Variants in KATNIP observed in about 807,000 individuals in gnomAD.
The protein encoded by KATNIP is katanin interacting protein.
Under a neutral mutation model 174.0 loss-of-function variants are expected in KATNIP, and 126 were observed. The observed-to-expected ratio is 0.72, with a 90% confidence interval of 0.63 to 0.84. The LOEUF (loss-of-function observed/expected upper bound fraction) is 0.84. Ranked by LOEUF, KATNIP falls within the 40% of genes least tolerant of loss-of-function variation. KATNIP has a pLI of 0.00. For synonymous variants in KATNIP, 810 were observed against 835.7 expected (o/e 0.97, Z 0.53); for missense variants, 1,958 against 2,109.7 (o/e 0.93, Z 1.41).
intron 8 of KATNIP, among the ~76,000 whole-genome samples, chr16:27,692,650 C>T (rs59747624): frequency 0.018 from 2,774 of 152,242 alleles, 67 homozygotes; most frequent in East Asian, 0.09. Flanking sequence ...TCACCGCCTT[C>T]GTGTCCCCAC....
At chr16:27,605,566 G>A (rs749954129) in intron 2 of KATNIP, among the ~76,000 whole-genome samples, 11 of 152,106 alleles carry the variant, frequency 7.2e-5, no homozygotes, top group Non-Finnish European at 1.6e-4. Flanking sequence ...TAAGGTATTC[G>A]AAAAATAGCC....
chr16:27,760,328 C>T (rs1016877138), intron 18 of KATNIP, among the ~76,000 whole-genome samples: 11 of 152,150 alleles, frequency 7.2e-5, no homozygotes, highest in Non-Finnish European at 1.0e-4. Context: ...TCTAATGAGA[C>T]ACCGTTAAGG....
intron 2 of KATNIP, among the ~76,000 whole-genome samples, chr16:27,585,174 A>G (rs1288250015): frequency 1.3e-5 from 2 of 152,206 alleles, no homozygotes; most frequent in Non-Finnish European, 2.9e-5. Context: ...CAATGCAATT[A>G]ACTACAGCCA....
At chr16:27,704,986 T>TGGCAACCTCTGCCTCCC (rs1412982938) in intron 12 of KATNIP, among the ~76,000 whole-genome samples, 1 of 150,330 alleles carries the variant, frequency 6.7e-6, no homozygotes, top group Non-Finnish European at 1.5e-5. Context: ...TCTTGGCTCA[T>TGGCAACCTCTGCCTCCC]GGCAACCTCT....
At chr16:27,610,798 G>A (rs1158220814) in intron 2 of KATNIP, among the ~76,000 whole-genome samples, 2 of 152,144 alleles carry the variant, frequency 1.3e-5, no homozygotes, top group Non-Finnish European at 2.9e-5. Flanking sequence ...CCTGCCTCCC[G>A]TTCTACTCAA....
Position 27,749,891 on chromosome 16 carries a change from G to T in KATNIP, c.2931G>T (p.Leu977Phe). Residue 977 changes from leucine to phenylalanine, a missense_variant, in exon 16 of 28, where the codon TTG becomes TTT. Leu to Phe is a conservative substitution (Grantham distance 22, BLOSUM62 0). Coordinates refer to ENST00000261588, the MANE Select transcript of KATNIP (RefSeq NM_015202.5). ...KIPVLPYGQR[L>F]VIDIKSTWGD... Reference sequence around the variant, plus strand: ...CCGTCTTGCCTTATGGACAGCGCTTGGTCATTGACATCAAGTCTACCTGGG... The same window carrying T: ...CCGTCTTGCCTTATGGACAGCGCTTTGTCATTGACATCAAGTCTACCTGGG... 6.2e-7 allele frequency: 1 copy of T among 1,614,196 alleles called. No individual in the cohort carries two copies. The highest frequency in any genetic ancestry group is 8.5e-7 in the Non-Finnish European group (1 of 1,180,030).
At chr16:27,602,810 T>C (rs986029806) in intron 2 of KATNIP, among the ~76,000 whole-genome samples, 1 of 152,182 alleles carries the variant, frequency 6.6e-6, no homozygotes, top group Non-Finnish European at 1.5e-5. Flanking sequence ...GTGATTCTCC[T>C]GCCTCAGCCT....
At chr16:27,771,786 G>A (rs963342586) in intron 22 of KATNIP, 134 bp downstream of exon 22, 18 of 862,028 alleles carry the variant, frequency 2.1e-5, no homozygotes, top group Non-Finnish European at 3.2e-5. Context: ...CAAGGCAGAG[G>A]ATAGGAGGCC....
At chr16:27,550,328 G>C in intron 1 of KATNIP, 151 bp downstream of exon 1, 1 of 870,224 alleles carries the variant, frequency 1.1e-6, no homozygotes, top group Non-Finnish European at 1.8e-6. Context: ...GAGGCTTAGT[G>C]GTCTGGAACG....
chr16:27,653,058 C>T (rs189020326), intron 6 of KATNIP, among the ~76,000 whole-genome samples: 3 of 152,030 alleles, frequency 2.0e-5, no homozygotes, highest in African/African-American at 7.2e-5. Context: ...TTTCATAATC[C>T]CACTGCCCCA....
intron 2 of KATNIP, among the ~76,000 whole-genome samples, chr16:27,602,204 G>A (rs2075550467): frequency 6.6e-6 from 1 of 152,160 alleles, no homozygotes; most frequent in Non-Finnish European, 1.5e-5. Context: ...CCTTCTACCT[G>A]CAGGCCCTGT....
intron 2 of KATNIP, among the ~76,000 whole-genome samples, chr16:27,581,254 A>G (rs2090687419): frequency 6.6e-6 from 1 of 152,222 alleles, no homozygotes; most frequent in Non-Finnish European, 1.5e-5. Context: ...AGAATACTTT[A>G]AAGAATATTC....
At chr16:27,657,063 T>C (rs2077319518) in intron 6 of KATNIP, among the ~76,000 whole-genome samples, 1 of 152,268 alleles carries the variant, frequency 6.6e-6, no homozygotes, top group South Asian at 2.1e-4. Flanking sequence ...ATGAACTATA[T>C]TATATTAGAT....
chr16:27,774,608 C>T (rs2082426159), intron 23 of KATNIP, among the ~76,000 whole-genome samples: 2 of 152,150 alleles, frequency 1.3e-5, no homozygotes, highest in Admixed American at 6.5e-5. Context: ...AAAAGAAAAC[C>T]TCCGCAGAGC....
At chr16:27,716,772 A>G (rs923709901) in intron 13 of KATNIP, among the ~76,000 whole-genome samples, 2 of 152,146 alleles carry the variant, frequency 1.3e-5, no homozygotes, top group Non-Finnish European at 2.9e-5. Context: ...CTGACAATGG[A>G]AACCACTGAT....
intron 18 of KATNIP, chr16:27,755,451 G>A (rs374936774): frequency 1.3e-5 from 2 of 152,300 alleles, no homozygotes; most frequent in African/African-American, 4.8e-5. Context: ...TGGGCAGAGG[G>A]AGAAGCTGGT....
rs2081529101 is a variant in KATNIP, at chr16:27,751,808, G to A, written c.3436G>A (p.Asp1146Asn). ...IFYSDEMFDL[D>N]VGSLDSLQDE... is the part of the protein sequence containing the mutation. ...CTATTCTGATGAGATGTTTGACCTG[G>A]ATGTGGGGAGCCTGGACAGCCTGCA... is the stretch of plus-strand genomic sequence containing the variant. The change falls in exon 17 of 28, where the codon GAT becomes AAT. Residue 1146 changes from aspartate to asparagine, a missense_variant. Physicochemically the swap from Asp to Asn is conservative, Grantham distance 23. This residue lies in a region of KATNIP where 1,557 missense variants were observed against 1,617.8 expected (regional missense o/e 0.96). Coordinates refer to ENST00000261588, the MANE Select transcript of KATNIP (RefSeq NM_015202.5). 1 of 1,614,230 alleles carries A rather than the reference G, an allele frequency of 6.2e-7. No individual in the cohort carries two copies. Among genetic ancestry groups the A allele is most frequent in the Non-Finnish European group, 8.5e-7 (1 of 1,180,038 alleles).
chr16:27,665,991 T>A (rs1415333794), intron 6 of KATNIP, among the ~76,000 whole-genome samples: 5 of 152,218 alleles, frequency 3.3e-5, no homozygotes, highest in Non-Finnish European at 5.9e-5. Flanking sequence ...TTCCTGAAAT[T>A]TTCTAGTCAG....
intron 11 of KATNIP, 47 bp downstream of exon 11, chr16:27,701,742 C>G: frequency 7.9e-7 from 1 of 1,268,964 alleles, no homozygotes; most frequent in Non-Finnish European, 1.1e-6. Context: ...AGCAGTGCAG[C>G]CATGGGGATC....
Sources: gnomAD v4.1 joint callset for allele counts (sites outside exome capture counted in the v4.1 genomes callset) on GRCh38, gnomAD v4.1.1 for gene constraint, gnomAD v4.1.1 regional missense constraint, MANE v1.5 for transcripts, NCBI Gene and HGNC (gene_info 2026-07-23, HGNC 2026-07-21) for gene names.